PKNOX2: variants seen among roughly 807,000 people sequenced by gnomAD.
PKNOX2 encodes the protein PBX/knotted 1 homeobox 2.
In PKNOX2, 14 loss-of-function variants were observed where a neutral mutation model predicts 53.1. The ratio of observed to expected loss-of-function variants is 0.26; its 90% CI spans 0.17 to 0.41. PKNOX2 has a LOEUF of 0.41. Among genes scored for constraint, PKNOX2 ranks in the 10% least tolerant of loss-of-function variants. The pLI, the probability that PKNOX2 is intolerant of heterozygous loss-of-function variation, is 1.00. For synonymous variants in PKNOX2, 257 were observed against 242.8 expected (o/e 1.06, Z -0.54); for missense variants, 496 against 602.8 (o/e 0.82, Z 1.85).
intron 4 of PKNOX2, among the ~76,000 whole-genome samples, chr11:125,359,795 C>T (rs1407494529): frequency 6.6e-6 from 1 of 152,182 alleles, no homozygotes; most frequent in Non-Finnish European, 1.5e-5. Context: ...GTTTTGGCAG[C>T]CTAAGGGGGC....
chr11:125,195,089 A>C (rs556294508), intron 1 of PKNOX2, among the ~76,000 whole-genome samples: 1 of 152,312 alleles, frequency 6.6e-6, no homozygotes, highest in East Asian at 1.9e-4. Flanking sequence ...ACTAGCACCC[A>C]GGGAGTCTGT....
chr11:125,351,218 G>C, intron 3 of PKNOX2, 66 bp from the exon 4 acceptor site: 1 of 768,610 alleles, frequency 1.3e-6, no homozygotes, highest in South Asian at 1.5e-5. Context: ...ACAGGGAGCT[G>C]CTGGGTGCCC....
At chr11:125,299,853 C>G (rs1261956352) in intron 2 of PKNOX2, among the ~76,000 whole-genome samples, 1 of 152,192 alleles carries the variant, frequency 6.6e-6, no homozygotes, top group Admixed American at 6.5e-5. Flanking sequence ...TGGGGCTTCC[C>G]AAAAGCTGTG....
At chr11:125,277,783 A>C (rs1946273703) in intron 2 of PKNOX2, 1 of 152,234 alleles carries the variant, frequency 6.6e-6, no homozygotes, top group Non-Finnish European at 1.5e-5. Flanking sequence ...TAGCGTTCCC[A>C]ACAGAAAGGA....
chr11:125,226,622 C>G (rs1941719344), intron 1 of PKNOX2, among the ~76,000 whole-genome samples: 2 of 152,092 alleles, frequency 1.3e-5, no homozygotes, highest in Non-Finnish European at 2.9e-5. Flanking sequence ...CCTCTCATCT[C>G]TTTCTCTTCC....
Position 125,411,735 on chromosome 11 carries a change from G to A in PKNOX2, c.817-11G>A, listed in dbSNP as rs376582577. ...CTGCTGATGCTGATTTTCTCTCCAC[G>A]TGCCCTGAAGGTTAACCTTGACCTC... On this transcript the variant is annotated splice_polypyrimidine_tract_variant and intron_variant, in intron 9 of 12. Transcript: ENST00000298282. 5.8e-5 allele frequency: 94 copies of A among 1,613,980 alleles called. No homozygotes were observed. The highest frequency in any genetic ancestry group is 1.6e-4 in the Middle Eastern group (1 of 6,062).
chr11:125,301,245 A>G (rs2135957846), intron 2 of PKNOX2, among the ~76,000 whole-genome samples: 1 of 152,212 alleles, frequency 6.6e-6, no homozygotes, highest in Middle Eastern at 3.4e-3. Flanking sequence ...AGAAGGACAG[A>G]CAGAAACTAT....
In PKNOX2 at chr11:125,220,143, C is replaced by G. The variant is rs531757502; in HGVS notation, c.-200-14902C>G. On this transcript the variant is annotated intron_variant, in intron 1 of 12. Coordinates refer to ENST00000298282, the MANE Select transcript of PKNOX2 (RefSeq NM_001382323.2). ...TGTAAAAAGGAAAAAAATAACCCAC[C>G]AAGTTTAAAAAAAAGTGTGTATAAA... is the stretch of plus-strand genomic sequence containing the variant. 2.6e-5 allele frequency among the ~76,000 whole-genome samples: 4 copies of G among 151,808 alleles called. No individual in the cohort carries two copies. The South Asian group carries it at 8.3e-4, about 32-fold the overall frequency.
Position 125,411,458 on chromosome 11 carries a change from GTCTTTCTCTCTCTCTCTC to G in PKNOX2, c.817-284_817-267del, listed in dbSNP as rs1456365641. The G allele has an allele frequency of 3.7e-4, 120 of 321,582 alleles. 2 individuals are homozygous for G. In the African/African-American group the frequency reaches 6.1e-3, roughly 16 times the overall value. The allele number at this position is 321,582 out of a possible 1,614,324, so 19.9% of individuals were successfully genotyped here. A position where few individuals can be genotyped will look rare whatever the true frequency, so the allele number is the denominator to read the frequency against. On this transcript the variant is annotated intron_variant, in intron 9 of 12. Coordinates refer to ENST00000298282, the MANE Select transcript of PKNOX2 (RefSeq NM_001382323.2). ...CTCTCTGCATGGCCCTGTTTCCTCT[GTCTTTCTCTCTCTCTCTC>G]TCTCTCTCTCTCTCTCTCTCTCTCT...
intron 2 of PKNOX2, among the ~76,000 whole-genome samples, chr11:125,237,708 T>C (rs1216920556): frequency 6.6e-6 from 1 of 152,204 alleles, no homozygotes; most frequent in Non-Finnish European, 1.5e-5. Context: ...CAGGCCATGC[T>C]GGTGTTAATA....
intron 2 of PKNOX2, among the ~76,000 whole-genome samples, chr11:125,296,747 T>G (rs1308591664): frequency 6.6e-6 from 1 of 152,216 alleles, no homozygotes; most frequent in Admixed American, 6.5e-5. Flanking sequence ...GCGATTCTCC[T>G]GCTTCAGCCT....
chr11:125,295,509 G>A (rs1436671560), intron 2 of PKNOX2, among the ~76,000 whole-genome samples: 3 of 152,272 alleles, frequency 2.0e-5, no homozygotes, highest in Admixed American at 6.5e-5. Context: ...AGAGAGCAGA[G>A]TGAGGGCTCA....
In PKNOX2 at chr11:125,211,954, A is replaced by G. The variant is rs181554939; in HGVS notation, c.-200-23091A>G. On this transcript the variant is annotated intron_variant, in intron 1 of 12. Transcript: ENST00000298282. ...TGTATTTGGTTTCCTATATGGCTCT[A>G]TTTCTTTGGCATTGCCTTTTCCTTT... Among the ~76,000 whole-genome samples the G allele has an allele frequency of 1.7e-3, 263 of 152,042 alleles. 2 individuals carry two copies. Among genetic ancestry groups the G allele is most frequent in the Non-Finnish European group, 3.3e-3 (222 of 67,952 alleles).
rs372201456 is a variant in PKNOX2, at chr11:125,431,357, G to A, written c.1384G>A (p.Asp462Asn). 1.9e-5 allele frequency: 31 copies of A among 1,612,740 alleles called. No homozygotes were observed. The African/African-American group carries it at 2.4e-4, about 13-fold the overall frequency. Residue 462 changes from aspartate to asparagine, a missense_variant, in exon 13 of 13, where the codon GAC becomes AAC. By Grantham distance (23) the Asp-to-Asn change is conservative (BLOSUM62 1). Coordinates refer to ENST00000298282, the MANE Select transcript of PKNOX2 (RefSeq NM_001382323.2). ...CGAGCTGCAGACGACAAATGTCAGCGACCTGGGCTTGGAACACAGTGACTC... is the reference window on the plus strand; with the variant it reads ...CGAGCTGCAGACGACAAATGTCAGCAACCTGGGCTTGGAACACAGTGACTC... The part of the protein sequence containing the change: ...VDELQTTNVS[D>N]LGLEHSDSLE
At chr11:125,411,182 T>C (rs917755542) in intron 9 of PKNOX2, 2 of 324,182 alleles carry the variant, frequency 6.2e-6, no homozygotes, top group African/African-American at 4.2e-5. Flanking sequence ...AGTAGAAAGA[T>C]CGGAAGTCAG....
intron 1 of PKNOX2, among the ~76,000 whole-genome samples, chr11:125,182,355 C>A (rs1956203127): frequency 6.6e-6 from 1 of 152,124 alleles, no homozygotes; most frequent in Non-Finnish European, 1.5e-5. Flanking sequence ...GCTGAATCCC[C>A]CAGAGATAGG....
chr11:125,326,695 G>A (rs1298297177), intron 2 of PKNOX2, among the ~76,000 whole-genome samples: 1 of 152,310 alleles, frequency 6.6e-6, no homozygotes, highest in Non-Finnish European at 1.5e-5. Flanking sequence ...TTTAACAGCC[G>A]ATCAAGCATC....
chr11:125,270,272 C>T (rs1017811593), intron 2 of PKNOX2, among the ~76,000 whole-genome samples: 5 of 152,188 alleles, frequency 3.3e-5, no homozygotes, highest in East Asian at 1.9e-4. Context: ...TGACTGGCAT[C>T]GGCATTCCTT....
rs141466211 is a variant in PKNOX2, at chr11:125,208,608, G to T, written c.-200-26437G>T. ...GAGAAAGTGAATATGAGAGACGTAT[G>T]TGGAAATTGGGCCAGTTAGGGCTTA... is the stretch of plus-strand genomic sequence containing the variant. On this transcript the variant is annotated intron_variant, in intron 1 of 12. Transcript: ENST00000298282. 6.9e-3 allele frequency among the ~76,000 whole-genome samples: 1,043 copies of T among 152,154 alleles called. 15 individuals carry two copies. Among genetic ancestry groups the T allele is most frequent in the Middle Eastern group, 0.017 (5 of 294 alleles).
Sources: allele counts gnomAD v4.1 joint callset (sites outside exome capture counted in the v4.1 genomes callset), GRCh38; gene constraint gnomAD v4.1.1; transcripts MANE v1.5; gene names NCBI Gene and HGNC (gene_info 2026-07-23, HGNC 2026-07-21).